Variants in TFR2 observed in about 807,000 individuals in gnomAD.
TFR2 encodes transferrin receptor 2, also known as transferrin receptor protein 2.
In TFR2, 64 loss-of-function variants were observed where a neutral mutation model predicts 91.9. That is an observed-to-expected ratio of 0.70 (90% CI 0.57 to 0.86). TFR2 has a LOEUF of 0.86. Among genes scored for constraint, TFR2 ranks in the 40% least tolerant of loss-of-function variants. The pLI is 0.00. For synonymous variants in TFR2, 454 were observed against 459.6 expected (o/e 0.99, Z 0.15); for missense variants, 950 against 1,080.5 (o/e 0.88, Z 1.69).
chr7:100,632,317 G>T, intron 6 of TFR2, 119 bp from the exon 7 acceptor site: 1 of 952,268 alleles, frequency 1.1e-6, no homozygotes. Flanking sequence ...GAGAGGATGT[G>T]GGGGCACTAC....
chr7:100,639,203 T>TA (rs557677224), intron 3 of TFR2, among the ~76,000 whole-genome samples: 123 of 152,118 alleles, frequency 8.1e-4, no homozygotes, highest in African/African-American at 2.7e-3. Context: ...CTGTCTCTAC[T>TA]AAAAAATACA....
Position 100,627,616 on chromosome 7 carries a change from G to T in TFR2, c.1728C>A (p.Ala576=), listed in dbSNP as rs1803303178. 2 of 1,614,060 alleles carry T rather than the reference G, an allele frequency of 1.2e-6. No homozygotes were observed. The highest frequency in any genetic ancestry group is 1.7e-6 in the Non-Finnish European group (2 of 1,180,022). ...ACTCGACGGCAGGGACTCCCACAAA[G>T]GCCGTGAAGGAATAGGCACTGCTGT... The part of the protein sequence containing the change: ...PMDSSAYSFT[A]FVGVPAVEFS... Residue 576 remains alanine (A), a synonymous_variant, in exon 15 of 18, where the codon GCC becomes GCA. Coordinates refer to ENST00000223051, the MANE Select transcript of TFR2 (RefSeq NM_003227.4).
At chr7:100,632,060 C>A (rs373426971) in intron 7 of TFR2, 22 bp downstream of exon 7, 1 of 1,613,804 alleles carries the variant, frequency 6.2e-7, no homozygotes, top group Non-Finnish European at 8.5e-7. Flanking sequence ...GGGAACAGCA[C>A]GACCAGCCTC....
At chr7:100,622,798 A>G (rs977158190) in intron 17 of TFR2, among the ~76,000 whole-genome samples, 1 of 152,084 alleles carries the variant, frequency 6.6e-6, no homozygotes, top group African/African-American at 2.4e-5. Flanking sequence ...CTCTACTACA[A>G]ATACAAAAAA....
Position 100,640,777 on chromosome 7 carries a change from G to A in TFR2, c.382C>T (p.Leu128=). ...VSEDVNYEPD[L]DFHQGRLYWS... ...TAGAGTCTGCCCTGGTGGAAATCCA[G>A]GTCAGGCTCATAGTTGACATCCTCA... The change falls in exon 3 of 18, where the codon CTG becomes TTG. Residue 128 remains leucine (L), a synonymous_variant. Coordinates refer to ENST00000223051, the MANE Select transcript of TFR2 (RefSeq NM_003227.4). The A allele has an allele frequency of 6.2e-7, 1 of 1,614,170 alleles. No individual in the cohort carries two copies. The highest frequency in any genetic ancestry group is 2.2e-5 in the East Asian group (1 of 44,880).
intron 3 of TFR2, among the ~76,000 whole-genome samples, chr7:100,635,280 C>T (rs1477934599): frequency 6.6e-6 from 1 of 151,604 alleles, no homozygotes; most frequent in Admixed American, 6.6e-5. Flanking sequence ...CTCACTCTGT[C>T]ACCCAGCCTG....
intron 1 of TFR2, 95 bp downstream of exon 1, chr7:100,641,382 C>T (rs994827481): frequency 1.9e-6 from 3 of 1,554,976 alleles, no homozygotes; most frequent in Non-Finnish European, 1.8e-6. Context: ...GAGGTCAGGA[C>T]ACGGTCCAGG....
chr7:100,629,305 C>T lies in TFR2; in HGVS notation c.1338G>A (p.Gly446=). 1.2e-6 allele frequency: 2 copies of T among 1,614,180 alleles called. No homozygotes were observed. The highest frequency in any genetic ancestry group is 1.7e-6 in the Non-Finnish European group (2 of 1,179,992). The change falls in exon 10 of 18, where the codon GGG becomes GGA. Residue 446 remains glycine (G), a synonymous_variant. Transcript: ENST00000223051. ...WGPGAAKSAV[G]TAILLELVRT... ...GCACCAGCTCCAGGAGTATAGCCGT[C>T]CCCACAGCGGATTTAGCTGCTCCTG... is the stretch of plus-strand genomic sequence containing the variant.
chr7:100,624,205 G>T (rs1016510622), intron 17 of TFR2, among the ~76,000 whole-genome samples: 17 of 152,030 alleles, frequency 1.1e-4, no homozygotes, highest in Admixed American at 9.2e-4. Flanking sequence ...ACAGTTGATC[G>T]ATAACACCAC....
At chr7:100,635,635 G>A (rs1007008612) in intron 3 of TFR2, among the ~76,000 whole-genome samples, 3 of 151,634 alleles carry the variant, frequency 2.0e-5, no homozygotes, top group Non-Finnish European at 4.4e-5. Flanking sequence ...TTTTAGTAGA[G>A]CCTAAAAAGG....
intron 8 of TFR2, 72 bp from the exon 9 acceptor site, chr7:100,631,124 A>C: frequency 2.1e-6 from 3 of 1,416,694 alleles, no homozygotes; most frequent in Non-Finnish European, 2.8e-6. Context: ...TCTTTTCCTT[A>C]TTTCTTTCCC....
intron 3 of TFR2, among the ~76,000 whole-genome samples, chr7:100,635,791 G>A (rs184959252): frequency 6.6e-6 from 1 of 151,822 alleles, no homozygotes; most frequent in Admixed American, 6.6e-5. Flanking sequence ...TTAAGAGACA[G>A]GATCTCTCTA....
Position 100,628,113 on chromosome 7 carries a change from G to C in TFR2, c.1497C>G (p.Leu499=). The part of the protein sequence containing the change: ...WLEGYLSVLH[L]KAVVYVSLDN... ...CCAGGCTCACGTACACTACGGCTTT[G>C]AGGTGCAGCACGCTGAGGTAGCCCT... is the stretch of plus-strand genomic sequence containing the variant. Residue 499 remains leucine, a synonymous_variant, in exon 12 of 18, where the codon CTC becomes CTG. Transcript: ENST00000223051. 6.2e-7 allele frequency: 1 copy of C among 1,614,136 alleles called. No individual in the cohort carries two copies. The highest frequency in any genetic ancestry group is 8.5e-7 in the Non-Finnish European group (1 of 1,180,000).
At chr7:100,621,880 C>T (rs560593497) in intron 17 of TFR2, among the ~76,000 whole-genome samples, 9 of 152,188 alleles carry the variant, frequency 5.9e-5, no homozygotes, top group Non-Finnish European at 1.3e-4. Flanking sequence ...AGTTTCCTAG[C>T]CTCTCCTAGC....
chr7:100,641,278 G>C, intron 1 of TFR2, 50 bp from the exon 2 acceptor site: 1 of 1,528,390 alleles, frequency 6.5e-7, no homozygotes, highest in South Asian at 1.2e-5. Context: ...CTGGGGGGTG[G>C]GGAGGCATCT....
intron 1 of TFR2, 45 bp from the exon 2 acceptor site, chr7:100,641,273 G>A: frequency 6.5e-7 from 1 of 1,530,294 alleles, no homozygotes; most frequent in Non-Finnish European, 8.8e-7. Flanking sequence ...GAGGCCTGGG[G>A]GGTGGGGAGG....
At chr7:100,630,718 C>T (rs1204729926) in intron 9 of TFR2, among the ~76,000 whole-genome samples, 171 bp downstream of exon 9, 1 of 152,242 alleles carries the variant, frequency 6.6e-6, no homozygotes, top group Non-Finnish European at 1.5e-5. Flanking sequence ...CTGTTCACTG[C>T]TGCCACCATC....
intron 17 of TFR2, 137 bp downstream of exon 17, chr7:100,626,626 G>C: frequency 6.8e-7 from 1 of 1,474,582 alleles, no homozygotes; most frequent in Non-Finnish European, 9.0e-7. Flanking sequence ...GTCCAGGACT[G>C]GGAAGAGAGC....
Position 100,621,063 on chromosome 7 carries a change from T to A in TFR2, c.2200A>T (p.Met734Leu). The A allele has an allele frequency of 6.4e-7, 1 of 1,564,666 alleles. No homozygotes were observed. The highest frequency in any genetic ancestry group is 8.7e-7 in the Non-Finnish European group (1 of 1,153,552). Residue 734 changes from methionine (M) to leucine (L), a missense_variant, in exon 18 of 18, where the codon ATG becomes TTG. Physicochemically the swap from Met to Leu is conservative, Grantham distance 15 (BLOSUM62 2). Transcript: ENST00000223051. ...PADSPFRHIF[M>L]GRGDHTLGAL... ...CCCAGCGTGTGGTCTCCACGGCCCATGAAGATGTGGCGGAACGGGGAGTCG... is the reference window on the plus strand; with the variant it reads ...CCCAGCGTGTGGTCTCCACGGCCCAAGAAGATGTGGCGGAACGGGGAGTCG...
Sources: gnomAD v4.1 joint callset for allele counts (sites outside exome capture counted in the v4.1 genomes callset) on GRCh38, gnomAD v4.1.1 for gene constraint, MANE v1.5 for transcripts, NCBI Gene and HGNC (gene_info 2026-07-23, HGNC 2026-07-21) for gene names.